The following COA8 variants were observed in gnomAD, a reference collection of about 807,000 sequenced individuals.
COA8 encodes cytochrome c oxidase assembly factor 8.
COA8 carries 20 observed loss-of-function variants against 22.0 expected under a neutral mutation model. The ratio of observed to expected loss-of-function variants is 0.91; its 90% CI spans 0.64 to 1.32. COA8 has a LOEUF of 1.32. Among genes scored for constraint, COA8 ranks in the 40% most tolerant of loss-of-function variants. The pLI is 0.00. For synonymous variants in COA8, 105 were observed against 79.9 expected (o/e 1.31, Z -1.68); for missense variants, 266 against 230.0 (o/e 1.16, Z -1.01).
At chr14:103,563,238 GC>G in intron 1 of COA8, 114 bp downstream of exon 1, 2 of 1,384,524 alleles carry the variant, frequency 1.4e-6, no homozygotes, top group Non-Finnish European at 2.0e-6. Context: ...TTGTCCAGGT[GC>G]TCTCGCGTCC....
intron 1 of COA8, among the ~76,000 whole-genome samples, chr14:103,570,826 A>AT: frequency 6.6e-6 from 1 of 152,114 alleles, no homozygotes; most frequent in South Asian, 2.1e-4. Flanking sequence ...TGGGGGCTAG[A>AT]TTTTTTCAAA....
intron 3 of COA8, among the ~76,000 whole-genome samples, chr14:103,580,144 G>A (rs190918201): frequency 9.5e-4 from 140 of 147,070 alleles, no homozygotes; most frequent in African/African-American, 3.4e-3. Flanking sequence ...TGGCGCGATC[G>A]TGGCTCCCTG....
At chr14:103,586,135 AG>A (rs2076304856) in intron 3 of COA8, among the ~76,000 whole-genome samples, 1 of 145,298 alleles carries the variant, frequency 6.9e-6, no homozygotes, top group African/African-American at 2.5e-5. Context: ...TCCTGACCTC[AG>A]GTGATCCACC....
At chr14:103,573,974 G>A in intron 2 of COA8, 133 bp from the exon 3 acceptor site, 2 of 1,170,706 alleles carry the variant, frequency 1.7e-6, no homozygotes, top group Non-Finnish European at 2.3e-6. Flanking sequence ...TTTGAGATGG[G>A]TCACTAGCTT....
chr14:103,579,903 C>A (rs1595145441), intron 3 of COA8, among the ~76,000 whole-genome samples: 1 of 139,802 alleles, frequency 7.2e-6, no homozygotes. Context: ...ATGGAGGCTG[C>A]AGTGAGCCGA....
At chr14:103,585,966 T>G (rs1388546866) in intron 3 of COA8, among the ~76,000 whole-genome samples, 1 of 150,070 alleles carries the variant, frequency 6.7e-6, no homozygotes, top group Non-Finnish European at 1.5e-5. Context: ...AATGGCACGA[T>G]CTCGGCTCAT....
intron 1 of COA8, among the ~76,000 whole-genome samples, chr14:103,570,961 G>T (rs2076179590): frequency 6.6e-6 from 1 of 152,194 alleles, no homozygotes; most frequent in African/African-American, 2.4e-5. Context: ...GGCGGGTCCA[G>T]GAGGAGCCAT....
intron 3 of COA8, among the ~76,000 whole-genome samples, chr14:103,575,165 CAT>C (rs920903559): frequency 2.4e-4 from 37 of 152,234 alleles, no homozygotes; most frequent in East Asian, 3.8e-4. Context: ...CACGTGTGTA[CAT>C]GTGTGTGTGC....
chr14:103,576,167 G>A (rs909026008), intron 3 of COA8, among the ~76,000 whole-genome samples: 5 of 152,146 alleles, frequency 3.3e-5, no homozygotes, highest in African/African-American at 1.2e-4. Flanking sequence ...TTAGCTGGTC[G>A]TGGTGGCACT....
At chr14:103,574,076 GCCTT>G in intron 2 of COA8, 27 bp from the exon 3 acceptor site, 1 of 980,446 alleles carries the variant, frequency 1.0e-6, no homozygotes, top group Non-Finnish European at 1.4e-6. Flanking sequence ...AGTTCTGAGA[GCCTT>G]TTTTTTTTTT....
At chr14:103,588,947 T>C (rs1420473306) in intron 4 of COA8, among the ~76,000 whole-genome samples, 5 of 152,242 alleles carry the variant, frequency 3.3e-5, no homozygotes, top group African/African-American at 9.6e-5. Context: ...AAGGTTGTCA[T>C]GTATTACTCT....
rs2076096866 is a variant in COA8, at chr14:103,563,008, G to A, written c.7G>A (p.Val3Ile). The A allele has an allele frequency of 1.9e-6, 3 of 1,558,612 alleles. No homozygotes were observed. Among genetic ancestry groups the A allele is most frequent in the East Asian group, 2.3e-5 (1 of 43,328 alleles). The change falls in exon 1 of 5, where the codon GTC becomes ATC. Residue 3 changes from valine (V) to isoleucine (I), a missense_variant. Val to Ile is a conservative substitution (Grantham distance 29). Transcript: ENST00000409074. MV[V>I]LRAGKKTFLP... ...AGCCAGGGGGCGTGGGGCCATGGTGGTCTTGCGGGCGGGGAAGAAGACCTT... is the reference window on the plus strand; with the variant it reads ...AGCCAGGGGGCGTGGGGCCATGGTGATCTTGCGGGCGGGGAAGAAGACCTT...
intron 3 of COA8, among the ~76,000 whole-genome samples, chr14:103,585,087 G>A (rs537123337): frequency 1.5e-4 from 23 of 152,196 alleles, no homozygotes; most frequent in African/African-American, 4.8e-4. Flanking sequence ...GCAGTGAGCC[G>A]AGATTGCGCC....
intron 1 of COA8, 168 bp downstream of exon 1, chr14:103,563,292 C>A: frequency 1.1e-6 from 1 of 926,668 alleles, no homozygotes; most frequent in East Asian, 2.6e-5. Flanking sequence ...CGCATCAACG[C>A]CCTCAGTCGG....
chr14:103,589,743 T>TA lies in COA8; in HGVS notation c.477-426dup, dbSNP rs547553663. Among the ~76,000 whole-genome samples the TA allele has an allele frequency of 4.8e-3, 684 of 143,782 alleles. 5 individuals carry two copies. Among genetic ancestry groups the TA allele is most frequent in the East Asian group, 0.018 (89 of 4,994 alleles). 94.3% of individuals were successfully genotyped at this position (143,782 alleles called of 152,430 possible). ...TAACACGGTGAAACCCTGTCTCTACTAAAAAAAAAAAATACAAAAAATTAG... is the reference window on the plus strand; with the variant it reads ...TAACACGGTGAAACCCTGTCTCTACTAAAAAAAAAAAAATACAAAAAATTAG... On this transcript the variant is annotated intron_variant, in intron 4 of 4. Transcript: ENST00000409074.
chr14:103,581,210 A>G lies in COA8; in HGVS notation c.386-6064A>G, dbSNP rs183063710. On this transcript the variant is annotated intron_variant, in intron 3 of 4. Transcript: ENST00000409074. The surrounding 1 kb of genome is among the most constrained non-coding windows in gnomAD (Gnocchi z 4.1). ...AAGGGACAACTTTTCATTTTTAGCT[A>G]TGATAAAGTTTATAAATTAGGCATG... Among the ~76,000 whole-genome samples, 2 of 152,290 alleles carry G rather than the reference A, an allele frequency of 1.3e-5. No homozygotes were observed. The highest frequency in any genetic ancestry group is 1.3e-4 in the Admixed American group (2 of 15,286).
intron 1 of COA8, 66 bp downstream of exon 1, chr14:103,563,190 C>CGG: frequency 6.7e-7 from 1 of 1,494,404 alleles, no homozygotes; most frequent in Non-Finnish European, 9.0e-7. Context: ...ACCCGGGCCT[C>CGG]GGGGCCACTC....
intron 2 of COA8, among the ~76,000 whole-genome samples, chr14:103,572,444 G>GT (rs748259303): frequency 8.6e-5 from 13 of 152,044 alleles, no homozygotes; most frequent in Non-Finnish European, 1.9e-4. Flanking sequence ...GAGAATACCG[G>GT]TTTTTTTAGG....
At chr14:103,585,355 T>G (rs2076298169) in intron 3 of COA8, among the ~76,000 whole-genome samples, 1 of 150,608 alleles carries the variant, frequency 6.6e-6, no homozygotes, top group African/African-American at 2.4e-5. Flanking sequence ...GGCACATACC[T>G]GTAATCCCAG....
Sources: gnomAD v4.1 joint callset for allele counts (sites outside exome capture counted in the v4.1 genomes callset) on GRCh38, gnomAD v4.1.1 for gene constraint, Gnocchi (gnomAD v3.1) non-coding constraint, MANE v1.5 for transcripts, NCBI Gene and HGNC (gene_info 2026-07-23, HGNC 2026-07-21) for gene names.